The following TRPM7 variants were observed in gnomAD, a reference collection of about 807,000 sequenced individuals.
The protein encoded by TRPM7 is LTRPC ion channel family member 7.
TRPM7 carries 134 observed loss-of-function variants against 229.7 expected under a neutral mutation model. The observed-to-expected ratio is 0.58, with a 90% confidence interval of 0.51 to 0.67. The LOEUF (loss-of-function observed/expected upper bound fraction) is 0.67, where lower values mean the gene tolerates loss of function less well. TRPM7 is among the 30% of genes least tolerant of loss of function. The pLI is 0.00. For missense variants in TRPM7, 1,901 were observed against 2,210.0 expected, an observed-to-expected ratio of 0.86 and a Z score of 2.80; for synonymous variants, 699 against 715.2, an observed-to-expected ratio of 0.98 and a Z score of 0.36.
At chr15:50,645,338 G>T (rs1217089067) in intron 4 of TRPM7, among the ~76,000 whole-genome samples, 1 of 151,708 alleles carries the variant, frequency 6.6e-6, no homozygotes, top group African/African-American at 2.4e-5. Context: ...TACCACACCA[G>T]ACCAAGAATG....
In TRPM7 at chr15:50,634,550, C is replaced by T; in HGVS notation, c.839G>A (p.Gly280Asp). Residue 280 changes from glycine to aspartate, a missense_variant, in exon 8 of 39, where the codon GGC becomes GAC. Gly to Asp is a moderately conservative substitution (Grantham distance 94). Transcript: ENST00000646667. ...INQQRIHARI[G>D]QGVPVVALIF... ...AAGTGCCACCACAGGGACACCCTGG[C>T]CAATCCCTAAAAAGAGCAAAGTTAA... The T allele has an allele frequency of 7.0e-7, 1 of 1,428,952 alleles. No homozygotes were observed. Among genetic ancestry groups the T allele is most frequent in the Non-Finnish European group, 9.2e-7 (1 of 1,089,714 alleles). The allele number at this position is 1,428,952 out of a possible 1,614,324, so 88.5% of individuals were successfully genotyped here. A position where few individuals can be genotyped will look rare whatever the true frequency, so the allele number is the denominator to read the frequency against.
intron 1 of TRPM7, among the ~76,000 whole-genome samples, chr15:50,672,467 T>C (rs571048717): frequency 1.3e-5 from 2 of 152,114 alleles, no homozygotes; most frequent in African/African-American, 4.8e-5. Flanking sequence ...CATGTTATTG[T>C]CCCTCAAAAC....
At chr15:50,664,977 A>G (rs955036492) in intron 1 of TRPM7, among the ~76,000 whole-genome samples, 1 of 152,190 alleles carries the variant, frequency 6.6e-6, no homozygotes, top group African/African-American at 2.4e-5. Context: ...AAATAAATAA[A>G]TAATCAGCAG....
chr15:50,619,053 A>G (rs544601813), intron 13 of TRPM7, among the ~76,000 whole-genome samples: 64 of 152,262 alleles, frequency 4.2e-4, no homozygotes, highest in African/African-American at 1.5e-3. Flanking sequence ...CCCAGTCCTC[A>G]ATTTCCTTAT....
chr15:50,631,384 GTCT>G (rs1778203482), intron 10 of TRPM7, 30 bp downstream of exon 10: 2 of 1,370,982 alleles, frequency 1.5e-6, no homozygotes, highest in African/African-American at 2.9e-5. Context: ...AAAATAAAAG[GTCT>G]TACAAATAAA....
At chr15:50,670,878 A>C (rs2061973340) in intron 1 of TRPM7, among the ~76,000 whole-genome samples, 1 of 152,086 alleles carries the variant, frequency 6.6e-6, no homozygotes, top group African/African-American at 2.4e-5. Context: ...AAACGTGTCA[A>C]AACATATTAA....
intron 1 of TRPM7, among the ~76,000 whole-genome samples, chr15:50,678,896 C>T (rs764823517): frequency 2.0e-5 from 3 of 152,020 alleles, no homozygotes; most frequent in South Asian, 2.1e-4. Flanking sequence ...TTTTTTGAGA[C>T]GAAGTCTCGC....
chr15:50,626,090 T>C (rs904849204), intron 11 of TRPM7, among the ~76,000 whole-genome samples: 3 of 152,214 alleles, frequency 2.0e-5, no homozygotes, highest in African/African-American at 7.2e-5. Flanking sequence ...ACCAACAACA[T>C]ACTTGTATTA....
chr15:50,632,956 G>A lies in TRPM7; in HGVS notation c.1044C>T (p.Ser348=), dbSNP rs1405285486. 6.2e-7 allele frequency: 1 copy of A among 1,602,820 alleles called. No homozygotes were observed. The highest frequency in any genetic ancestry group is 1.4e-5 in the African/African-American group (1 of 74,022). The change falls in exon 9 of 39, where the codon TCC becomes TCT. Residue 348 remains serine, a synonymous_variant. Transcript: ENST00000646667. ...CAAAGTTAAATGTTTTTTTGATAGT[G>A]GAAATAATATCGGGCTCTGCTGCAT... ...LPDAAEPDII[S]TIKKTFNFGQ...
At chr15:50,595,627 G>A (rs1173720841) in intron 23 of TRPM7, among the ~76,000 whole-genome samples, 2 of 152,096 alleles carry the variant, frequency 1.3e-5, no homozygotes, top group Non-Finnish European at 2.9e-5. Flanking sequence ...TGGGGAAGCT[G>A]AAGTGGATGG....
chr15:50,633,810 C>T (rs556551708), intron 8 of TRPM7, among the ~76,000 whole-genome samples: 1 of 152,288 alleles, frequency 6.6e-6, no homozygotes, highest in African/African-American at 2.4e-5. Flanking sequence ...AATGAAACTA[C>T]TACGTTAAAA....
Position 50,583,091 on chromosome 15 carries a change from G to C in TRPM7, c.4555C>G (p.Pro1519Ala). The change falls in exon 29 of 39, where the codon CCG (proline) becomes GCG (alanine). Residue 1519 changes from proline to alanine, a missense_variant and splice_region_variant. Physicochemically the swap from Pro to Ala is conservative, Grantham distance 27. Around this residue, in one of 8 missense-constraint regions of TRPM7, gnomAD observed 533 missense variants for 497.1 expected, o/e 1.07. Coordinates refer to ENST00000646667, the MANE Select transcript of TRPM7 (RefSeq NM_017672.6). ...HEVDSKAALI[P>A]DWLQDRPSNR... ...CTGTTTAGTTGAAATCTACAAACCG[G>C]TATTAAAGCTGCTTTGGAATCTACT... 1 of 1,598,196 alleles carries C rather than the reference G, an allele frequency of 6.3e-7. No homozygotes were observed. The highest frequency in any genetic ancestry group is 8.5e-7 in the Non-Finnish European group (1 of 1,172,624).
intron 37 of TRPM7, 24 bp from the exon 38 acceptor site, chr15:50,570,017 A>T (rs370242772): frequency 1.3e-6 from 2 of 1,594,326 alleles, no homozygotes; most frequent in African/African-American, 2.7e-5. Context: ...AATTTTAAAA[A>T]AAACAACAAA....
chr15:50,630,103 C>G (rs900370005), intron 10 of TRPM7, among the ~76,000 whole-genome samples: 1 of 152,036 alleles, frequency 6.6e-6, no homozygotes, highest in Non-Finnish European at 1.5e-5. Flanking sequence ...CTCAAGTGAT[C>G]CACCCGCCTT....
At chr15:50,645,358 T>C (rs2061232338) in intron 4 of TRPM7, among the ~76,000 whole-genome samples, 1 of 151,670 alleles carries the variant, frequency 6.6e-6, no homozygotes, top group Non-Finnish European at 1.5e-5. Context: ...GCTTTGTAAA[T>C]AGGATTTGTT....
intron 27 of TRPM7, 144 bp from the exon 28 acceptor site, chr15:50,586,632 T>C (rs1258070261): frequency 1.0e-5 from 5 of 502,098 alleles, no homozygotes; most frequent in East Asian, 3.4e-5. Flanking sequence ...TTATAGATTA[T>C]GGTTATTTTC....
chr15:50,666,809 AAAG>A (rs1411227154), intron 1 of TRPM7, among the ~76,000 whole-genome samples: 3 of 152,182 alleles, frequency 2.0e-5, no homozygotes, highest in African/African-American at 7.2e-5. Context: ...CTCCAAAAAA[AAAG>A]AAGAGGCGGT....
rs539423579 is a variant in TRPM7, at chr15:50,591,796, A to T, written c.4324+115T>A. Reference sequence around the variant, plus strand: ...CACAGGTGTCTGATTCTTTTTAAAAATTTTATAATTATACTCTATGAAAAG... The same window carrying T: ...CACAGGTGTCTGATTCTTTTTAAAATTTTTATAATTATACTCTATGAAAAG... On this transcript the variant is annotated intron_variant, in intron 26 of 38. Transcript: ENST00000646667. 1.2e-5 allele frequency: 10 copies of T among 807,242 alleles called. No individual in the cohort carries two copies. In the South Asian group the frequency reaches 3.4e-4, roughly 28 times the overall value. The allele number at this position is 807,242 out of a possible 1,614,324, so 50.0% of individuals were successfully genotyped here. A position where few individuals can be genotyped will look rare whatever the true frequency, so the allele number is the denominator to read the frequency against.
At chr15:50,625,964 C>T (rs1444237693) in intron 11 of TRPM7, among the ~76,000 whole-genome samples, 1 of 152,014 alleles carries the variant, frequency 6.6e-6, no homozygotes, top group Non-Finnish European at 1.5e-5. Context: ...ACAAATAATC[C>T]TAATGTTATT....
Sources: gnomAD v4.1 joint callset for allele counts (sites outside exome capture counted in the v4.1 genomes callset) on GRCh38, gnomAD v4.1.1 for gene constraint, gnomAD v4.1.1 regional missense constraint, MANE v1.5 for transcripts, NCBI Gene and HGNC (gene_info 2026-07-23, HGNC 2026-07-21) for gene names.